The following TMEM132D variants were observed in gnomAD, a reference collection of about 807,000 sequenced individuals.
The protein encoded by TMEM132D is transmembrane protein 132D, also known as mature OL transmembrane protein.
Under a neutral mutation model 62.3 loss-of-function variants are expected in TMEM132D, and 21 were observed. That is an observed-to-expected ratio of 0.34 (90% CI 0.24 to 0.49). The LOEUF (loss-of-function observed/expected upper bound fraction) is 0.49. Ranked by LOEUF, TMEM132D falls within the 20% of genes least tolerant of loss-of-function variation. TMEM132D has a pLI of 0.99. For missense variants in TMEM132D, 1,346 were observed against 1,402.8 expected, an observed-to-expected ratio of 0.96 and a Z score of 0.65; for synonymous variants, 621 against 575.6, an observed-to-expected ratio of 1.08 and a Z score of -1.13.
In TMEM132D at chr12:129,850,962, T is replaced by C. The variant is rs115921555; in HGVS notation, c.79+52299A>G. 3.7e-3 allele frequency among the ~76,000 whole-genome samples: 565 copies of C among 152,312 alleles called. 2 individuals carry two copies. The highest frequency in any genetic ancestry group is 0.012 in the African/African-American group (516 of 41,562). On this transcript the variant is annotated intron_variant, in intron 1 of 8. Coordinates refer to ENST00000422113, the MANE Select transcript of TMEM132D (RefSeq NM_133448.3). ...TTGGTTCCAGCAGATTCCACCAGGA[T>C]GAACATCCAGTCATCAGCAGTTATT...
At chr12:129,388,134 G>T (rs61945696) in intron 3 of TMEM132D, among the ~76,000 whole-genome samples, 4,492 of 50,098 alleles carry the variant, frequency 0.09, 12 homozygotes, top group East Asian at 0.35. Flanking sequence ...ATGATAATAT[G>T]AACACTAACA....
intron 1 of TMEM132D, among the ~76,000 whole-genome samples, chr12:129,788,174 AG>A (rs1322759814): frequency 6.6e-6 from 1 of 152,212 alleles, no homozygotes; most frequent in Non-Finnish European, 1.5e-5. Flanking sequence ...GTGGGTGAAA[AG>A]GAGTATTGTT....
intron 3 of TMEM132D, among the ~76,000 whole-genome samples, chr12:129,406,956 C>G (rs1871809341): frequency 6.6e-6 from 1 of 152,182 alleles, no homozygotes; most frequent in African/African-American, 2.4e-5. Flanking sequence ...ATATTAATGA[C>G]AGATTTATTT....
At chr12:129,093,660 T>C (rs1875005149) in intron 5 of TMEM132D, among the ~76,000 whole-genome samples, 2 of 152,184 alleles carry the variant, frequency 1.3e-5, no homozygotes, top group East Asian at 3.9e-4. Flanking sequence ...CCAATGACTT[T>C]CTTCGCAGAA....
chr12:129,463,631 C>A (rs992940217), intron 3 of TMEM132D, among the ~76,000 whole-genome samples: 1 of 151,780 alleles, frequency 6.6e-6, no homozygotes. Context: ...CCGCTCCCCC[C>A]ACCCCACAAC....
intron 2 of TMEM132D, among the ~76,000 whole-genome samples, chr12:129,665,505 CTTTTT>C (rs566219788): frequency 2.7e-5 from 4 of 148,214 alleles, no homozygotes; most frequent in Non-Finnish European, 4.5e-5. Context: ...GGCTTCTAGG[CTTTTT>C]TTTTTCAGTC....
chr12:129,574,680 G>A (rs1877609265), intron 2 of TMEM132D, among the ~76,000 whole-genome samples: 3 of 151,702 alleles, frequency 2.0e-5, no homozygotes, highest in Admixed American at 1.3e-4. Context: ...CACATAAGCC[G>A]TCAGCATCCA....
At chr12:129,669,066 C>G (rs373539122) in intron 2 of TMEM132D, among the ~76,000 whole-genome samples, 1 of 152,136 alleles carries the variant, frequency 6.6e-6, no homozygotes, top group Non-Finnish European at 1.5e-5. Context: ...TGGCTGGGCT[C>G]GGCTTTTAAA....
chr12:129,822,149 A>G (rs572227599), intron 1 of TMEM132D, among the ~76,000 whole-genome samples: 2 of 152,236 alleles, frequency 1.3e-5, no homozygotes, highest in African/African-American at 2.4e-5. Context: ...CAGGAGTGGA[A>G]GAGTCAGCCA....
At chr12:129,352,051 G>A (rs572684768) in intron 3 of TMEM132D, among the ~76,000 whole-genome samples, 7 of 152,208 alleles carry the variant, frequency 4.6e-5, no homozygotes, top group Admixed American at 2.6e-4. Context: ...AGAGGCGTTC[G>A]AACCAGAGCG....
rs145995503 is a variant in TMEM132D at position 129,696,647 on chromosome 12, C to T, written c.968+3163G>A. On this transcript the variant is annotated intron_variant, in intron 2 of 8. Coordinates refer to ENST00000422113, the MANE Select transcript of TMEM132D (RefSeq NM_133448.3). The stretch of plus-strand genomic sequence containing the variant: ...AACTGGTGAGGGTGTGAAAGAAGAG[C>T]CCCAGTTCTTATCTTCCTCCAGGCC... Among the ~76,000 whole-genome samples, 70 of 152,246 alleles carry T rather than the reference C, an allele frequency of 4.6e-4. No individual in the cohort carries two copies. In the Middle Eastern group the frequency reaches 0.01, roughly 22 times the overall value.
At chr12:129,573,723 C>G (rs972789866) in intron 2 of TMEM132D, among the ~76,000 whole-genome samples, 2 of 151,954 alleles carry the variant, frequency 1.3e-5, no homozygotes, top group Non-Finnish European at 2.9e-5. Context: ...AATGCATAAA[C>G]GTTGATGGCA....
chr12:129,199,031 A>G (rs1878619146), intron 5 of TMEM132D, among the ~76,000 whole-genome samples: 1 of 151,598 alleles, frequency 6.6e-6, no homozygotes, highest in East Asian at 1.9e-4. Context: ...CTTACCTGCT[A>G]TGAAGTAAGC....
At chr12:129,891,330 G>A (rs1185979137) in intron 1 of TMEM132D, among the ~76,000 whole-genome samples, 2 of 152,062 alleles carry the variant, frequency 1.3e-5, no homozygotes, top group Non-Finnish European at 2.9e-5. Context: ...ACTCATCTCG[G>A]GGCAAAGGAC....
At chr12:129,653,627 C>A (rs2137185064) in intron 2 of TMEM132D, among the ~76,000 whole-genome samples, 2 of 152,316 alleles carry the variant, frequency 1.3e-5, no homozygotes, top group Middle Eastern at 6.8e-3. Flanking sequence ...TGGCTGTGTA[C>A]ATATAGTCAT....
rs139627769 is a variant in TMEM132D, at chr12:129,700,307, G to A, written c.471C>T (p.Asp157=). Residue 157 remains aspartate (D), a synonymous_variant, in exon 2 of 9, where the codon GAC becomes GAT. Transcript: ENST00000422113. ...GCAGCTTCTCCCCGGCGCTGCGGTC[G>A]TCCCAGTCTCTGCCCATGATGTGGA... The part of the protein sequence containing the change: ...VLFHIMGRDW[D]DRSAGEKLPC... 11 of 1,613,748 alleles carry A rather than the reference G, an allele frequency of 6.8e-6. No homozygotes were observed. The Middle Eastern group carries it at 6.6e-4, about 97-fold the overall frequency.
intron 4 of TMEM132D, among the ~76,000 whole-genome samples, chr12:129,265,588 C>T (rs561118525): frequency 8.5e-5 from 13 of 152,212 alleles, no homozygotes; most frequent in East Asian, 3.9e-4. Flanking sequence ...TCCTGCCGTT[C>T]GGGCTCCCCA....
chr12:129,814,811 T>C (rs1872300013), intron 1 of TMEM132D, among the ~76,000 whole-genome samples: 1 of 152,058 alleles, frequency 6.6e-6, no homozygotes, highest in Non-Finnish European at 1.5e-5. Context: ...CCAGGACTGT[T>C]GCCCAGTTCT....
At chr12:129,282,242 C>T (rs1032162295) in intron 4 of TMEM132D, among the ~76,000 whole-genome samples, 37 of 152,194 alleles carry the variant, frequency 2.4e-4, no homozygotes, top group Admixed American at 9.2e-4. Flanking sequence ...GGAATAATGG[C>T]ATCTCCAGGT....
Sources: gnomAD v4.1 joint callset for allele counts (sites outside exome capture counted in the v4.1 genomes callset) on GRCh38, gnomAD v4.1.1 for gene constraint, MANE v1.5 for transcripts, NCBI Gene and HGNC (gene_info 2026-07-23, HGNC 2026-07-21) for gene names.